The following PHLDB2 variants were observed in gnomAD, a reference collection of about 807,000 sequenced individuals.
PHLDB2 encodes pleckstrin homology-like domain family B member 2.
A neutral mutation model predicts 123.6 loss-of-function variants in PHLDB2; 71 were observed. The ratio of observed to expected loss-of-function variants is 0.57; its 90% confidence interval spans 0.47 to 0.70. PHLDB2 has a LOEUF of 0.70. Ranked by LOEUF, PHLDB2 falls within the 30% of genes least tolerant of loss-of-function variation. The pLI is 0.00. For missense variants in PHLDB2, 1,446 were observed against 1,519.5 expected, an observed-to-expected ratio of 0.95 and a Z score of 0.80; for synonymous variants, 547 against 541.6, an observed-to-expected ratio of 1.01 and a Z score of -0.14.
Position 111,939,456 on chromosome 3 carries a change from C to T in PHLDB2, c.2131-19C>T. 1 of 1,592,766 alleles carries T rather than the reference C, an allele frequency of 6.3e-7. No homozygotes were observed. The highest frequency in any genetic ancestry group is 1.4e-5 in the African/African-American group (1 of 73,528). On this transcript the variant is annotated intron_variant, in intron 6 of 17. Transcript: ENST00000431670. ...TAGTTATCTCAGTGTGTCTTGTTTT[C>T]ATTCACTTTTCTCCAAAGGATGCTG...
At chr3:111,854,501 A>C (rs1352664740), upstream of PHLDB2, among the ~76,000 whole-genome samples, 5 of 152,246 alleles carry the variant, frequency 3.3e-5, no homozygotes, top group African/African-American at 1.2e-4. Flanking sequence ...AACTGCAGTA[A>C]GATTGAAATG....
intron 1 of PHLDB2, among the ~76,000 whole-genome samples, chr3:111,748,049 G>A (rs980071525): frequency 3.9e-5 from 6 of 152,166 alleles, no homozygotes; most frequent in African/African-American, 1.2e-4. Context: ...AACTCAAGCT[G>A]TAAGCAGAAA....
chr3:111,946,355 A>G (rs576565908), intron 9 of PHLDB2, among the ~76,000 whole-genome samples: 1 of 152,310 alleles, frequency 6.6e-6, no homozygotes, highest in East Asian at 1.9e-4. Context: ...TTGTTTTTCT[A>G]AAAAGCTAAA....
At chr3:111,885,616 C>A (rs1357791922) in intron 2 of PHLDB2, 1 of 743,922 alleles carries the variant, frequency 1.3e-6, no homozygotes, top group Admixed American at 2.0e-5. Context: ...TTGAAGGCCT[C>A]CAGGAATTAA....
chr3:111,816,044 C>T (rs576369296), intron 1 of PHLDB2, among the ~76,000 whole-genome samples: 16 of 152,242 alleles, frequency 1.1e-4, no homozygotes, highest in South Asian at 8.3e-4. Flanking sequence ...GTTGAGCCTG[C>T]GAGTGAACAG....
chr3:111,744,528 A>G (rs973876112), intron 1 of PHLDB2, among the ~76,000 whole-genome samples: 1 of 152,226 alleles, frequency 6.6e-6, no homozygotes, highest in Non-Finnish European at 1.5e-5. Flanking sequence ...TATAACAGCA[A>G]ATTTTGAAAA....
intron 1 of PHLDB2, among the ~76,000 whole-genome samples, chr3:111,753,015 A>G (rs1359345795): frequency 6.6e-6 from 1 of 152,148 alleles, no homozygotes; most frequent in Non-Finnish European, 1.5e-5. Context: ...TCCATGGTGT[A>G]TATGTGCCAA....
intron 2 of PHLDB2, chr3:111,846,010 C>G: frequency 2.1e-6 from 3 of 1,456,418 alleles, no homozygotes; most frequent in Non-Finnish European, 2.8e-6. Context: ...TGGGAATGAG[C>G]TGGCATTTTC....
intron 1 of PHLDB2, chr3:111,778,254 T>C (rs1226755950): frequency 2.0e-5 from 3 of 151,986 alleles, no homozygotes; most frequent in Admixed American, 6.6e-5. Flanking sequence ...CTATGATTTA[T>C]GTCCTTATCA....
chr3:111,949,713 T>G (rs969468607), intron 10 of PHLDB2: 3 of 985,240 alleles, frequency 3.0e-6, no homozygotes, highest in Non-Finnish European at 3.6e-6. Flanking sequence ...AAAGATCACC[T>G]GTCTATTCTG....
chr3:111,815,698 A>G (rs529434183), intron 1 of PHLDB2, among the ~76,000 whole-genome samples: 1 of 152,338 alleles, frequency 6.6e-6, no homozygotes, highest in South Asian at 2.1e-4. Flanking sequence ...AAAAGTTCAG[A>G]AAATTTGCAG....
chr3:111,962,794 T>G (rs1037144285), intron 13 of PHLDB2, among the ~76,000 whole-genome samples: 14 of 152,014 alleles, frequency 9.2e-5, no homozygotes, highest in African/African-American at 2.9e-4. Flanking sequence ...CTGGGCATGG[T>G]GGCGCATGCC....
chr3:111,756,343 T>C (rs1576520046), intron 1 of PHLDB2, among the ~76,000 whole-genome samples: 1 of 152,136 alleles, frequency 6.6e-6, no homozygotes, highest in Admixed American at 6.5e-5. Flanking sequence ...TGCTCCTGTA[T>C]TGGGTGCATA....
At chr3:111,781,309 C>T (rs2060467301) in intron 1 of PHLDB2, among the ~76,000 whole-genome samples, 1 of 151,804 alleles carries the variant, frequency 6.6e-6, no homozygotes, top group Non-Finnish European at 1.5e-5. Flanking sequence ...GCTCCCAAGC[C>T]TATTTTTAAA....
intron 13 of PHLDB2, among the ~76,000 whole-genome samples, chr3:111,963,453 T>C (rs1488909817): frequency 6.6e-6 from 1 of 152,204 alleles, no homozygotes; most frequent in Non-Finnish European, 1.5e-5. Context: ...AGAATGGAGA[T>C]TGTATGCAGA....
chr3:111,880,862 G>C (rs1312521454), intron 1 of PHLDB2, among the ~76,000 whole-genome samples: 3 of 152,150 alleles, frequency 2.0e-5, no homozygotes, highest in Non-Finnish European at 4.4e-5. Flanking sequence ...CTGCCTCTTG[G>C]TTAGCAGAAG....
At position 111,974,733 on chromosome 3, in the gene PHLDB2, T is replaced by C; in HGVS notation, c.*170T>C. On this transcript the variant is annotated 3_prime_UTR_variant, in exon 18 of 18. Transcript: ENST00000431670. ...TATTTGTAAAAAATAAAGAAGGGGT[T>C]TTAATACAAACCTTCATAATAAATA... is the stretch of plus-strand genomic sequence containing the variant. 1 of 574,118 alleles carries C rather than the reference T, an allele frequency of 1.7e-6. No homozygotes were observed. Among genetic ancestry groups the C allele is most frequent in the Non-Finnish European group, 2.6e-6 (1 of 377,694 alleles). The allele number at this position is 574,118 out of a possible 1,614,324, so 35.6% of individuals were successfully genotyped here.
intron 2 of PHLDB2, among the ~76,000 whole-genome samples, chr3:111,850,334 G>A (rs917628376): frequency 6.6e-6 from 1 of 152,112 alleles, no homozygotes; most frequent in Admixed American, 6.5e-5. Context: ...ATAAAAAACT[G>A]CACATTAGGT....
At chr3:111,933,273 A>G (rs2069248822) in intron 6 of PHLDB2, among the ~76,000 whole-genome samples, 1 of 152,206 alleles carries the variant, frequency 6.6e-6, no homozygotes, top group Non-Finnish European at 1.5e-5. Context: ...GTGATTAACA[A>G]TTTATGATTC....
Sources: allele counts gnomAD v4.1 joint callset (sites outside exome capture counted in the v4.1 genomes callset), GRCh38; gene constraint gnomAD v4.1.1; transcripts MANE v1.5; gene names NCBI Gene and HGNC (gene_info 2026-07-23, HGNC 2026-07-21).